Variants in VAPA observed in about 807,000 individuals in gnomAD.
VAPA encodes vesicle-associated membrane protein-associated protein A.
Under a neutral mutation model 25.6 loss-of-function variants are expected in VAPA, and 6 were observed. That is an observed-to-expected ratio of 0.23 (90% confidence interval 0.13 to 0.46). The LOEUF is 0.46. VAPA is among the 20% of genes least tolerant of loss of function. The pLI is 0.99. For missense variants in VAPA, 244 were observed against 302.1 expected, an observed-to-expected ratio of 0.81 and a Z score of 1.43; for synonymous variants, 112 against 106.2, an observed-to-expected ratio of 1.05 and a Z score of -0.34.
intron 1 of VAPA, among the ~76,000 whole-genome samples, chr18:9,930,158 T>G (rs1218627869): frequency 6.6e-6 from 1 of 152,140 alleles, no homozygotes; most frequent in East Asian, 1.9e-4. Flanking sequence ...AATAAAACAT[T>G]TAATTCTAAA....
In VAPA at chr18:9,945,350, C is replaced by CTTTTTTTTTT. The variant is rs869048248; in HGVS notation, c.418-5026_418-5017dup. Reference sequence around the variant, plus strand: ...TTCTTTGAGATTTGGGGAATATACTCTTTTTTTTTTTTTTTTTTTTTTTTT... The same window carrying CTTTTTTTTTT: ...TTCTTTGAGATTTGGGGAATATACTCTTTTTTTTTTTTTTTTTTTTTTTTTTTTTTTTTTT... On this transcript the variant is annotated intron_variant, in intron 4 of 5. Transcript: ENST00000400000. Among the ~76,000 whole-genome samples the CTTTTTTTTTT allele has an allele frequency of 5.8e-4, 33 of 57,306 alleles. 5 individuals carry two copies. Among genetic ancestry groups the CTTTTTTTTTT allele is most frequent in the African/African-American group, 1.5e-3 (20 of 12,968 alleles). The allele number at this position is 57,306 out of a possible 152,430, so 37.6% of individuals were successfully genotyped here. A position where few individuals can be genotyped will look rare whatever the true frequency, so the allele number is the denominator to read the frequency against.
intron 2 of VAPA, among the ~76,000 whole-genome samples, chr18:9,932,233 C>A (rs908364236): frequency 3.9e-5 from 6 of 152,130 alleles, no homozygotes; most frequent in Non-Finnish European, 7.3e-5. Context: ...ACCTTCTCTG[C>A]CTTTGTTATT....
chr18:9,929,021 G>A (rs1015594665), intron 1 of VAPA, among the ~76,000 whole-genome samples: 1 of 152,168 alleles, frequency 6.6e-6, no homozygotes, highest in African/African-American at 2.4e-5. Context: ...ACCTACAGAT[G>A]CCTGCTGACT....
At chr18:9,929,754 C>G (rs1265552451) in intron 1 of VAPA, among the ~76,000 whole-genome samples, 4 of 152,116 alleles carry the variant, frequency 2.6e-5, no homozygotes, top group Non-Finnish European at 1.5e-5. Context: ...GGGAGCAACC[C>G]TCATTGAGAG....
chr18:9,914,049 G>T lies in VAPA; in HGVS notation c.-208G>T, dbSNP rs556551605. ...CAAGTGCGCGTGGCCGTGGCGGCTG[G>T]TGTGGGGTTGAGTCAGTTGTGGGAC... On this transcript the variant is annotated 5_prime_UTR_variant, in exon 1 of 6. Transcript: ENST00000400000. 1.4e-3 allele frequency: 706 copies of T among 498,506 alleles called. 3 individuals carry two copies. The highest frequency in any genetic ancestry group is 0.013 in the African/African-American group (639 of 48,474). 30.9% of individuals were successfully genotyped at this position (498,506 alleles called of 1,614,324 possible). A position where few individuals can be genotyped will look rare whatever the true frequency, so the allele number is the denominator to read the frequency against.
At position 9,928,288 on chromosome 18, in the gene VAPA, T is replaced by G. The variant is rs542216087; in HGVS notation, c.80-3522T>G. Among the ~76,000 whole-genome samples the G allele has an allele frequency of 2.6e-5, 4 of 152,234 alleles. No individual in the cohort carries two copies. In the South Asian group the frequency reaches 8.3e-4, roughly 32 times the overall value. On this transcript the variant is annotated intron_variant, in intron 1 of 5. Transcript: ENST00000400000. ...TCAAGGTTATTTCAAGGATCAGTTT[T>G]TCTGAAAAAACATTTTTATTGTTTT...
intron 2 of VAPA, among the ~76,000 whole-genome samples, chr18:9,933,993 G>A (rs796150251): frequency 9.2e-5 from 14 of 152,262 alleles, no homozygotes; most frequent in African/African-American, 2.2e-4. Context: ...AGAAAACAAC[G>A]TATCAAAACA....
At chr18:9,937,210 T>G (rs1467060824) in intron 4 of VAPA, 144 bp downstream of exon 4, 1 of 386,534 alleles carries the variant, frequency 2.6e-6, no homozygotes, top group African/African-American at 2.5e-5. Context: ...TTAAAAAACT[T>G]GGTATGCCTT....
At chr18:9,926,598 T>A (rs1291382121) in intron 1 of VAPA, among the ~76,000 whole-genome samples, 1 of 152,086 alleles carries the variant, frequency 6.6e-6, no homozygotes, top group Non-Finnish European at 1.5e-5. Flanking sequence ...CTCCTCAAGT[T>A]CCATGGAGGT....
chr18:9,951,419 T>A (rs1235811440), intron 5 of VAPA: 5 of 152,284 alleles, frequency 3.3e-5, no homozygotes, highest in African/African-American at 7.2e-5. Context: ...CGCCTTCTAC[T>A]GCTCTTACTT....
Position 9,954,146 on chromosome 18 carries a change from C to T in VAPA, c.685C>T (p.Pro229Ser), listed in dbSNP as rs757509798. 2 of 1,613,942 alleles carry T rather than the reference C, an allele frequency of 1.2e-6. No individual in the cohort carries two copies. Among genetic ancestry groups the T allele is most frequent in the Non-Finnish European group, 1.7e-6 (2 of 1,179,864 alleles). Residue 229 changes from proline to serine, a missense_variant, in exon 6 of 6, where the codon CCT (proline) becomes TCT (serine). Pro to Ser is a moderately conservative substitution (Grantham distance 74, BLOSUM62 -1). Around this residue, in one of 2 missense-constraint regions of VAPA, gnomAD observed 145 missense variants for 140.6 expected, o/e 1.03. Coordinates refer to ENST00000400000, the MANE Select transcript of VAPA (RefSeq NM_194434.3). ...SFRDNVTSPL[P>S]SLLVVIAAIF... ...CAGAGATAATGTCACCAGTCCTCTT[C>T]CTTCACTTCTTGTTGTAATTGCAGC...
rs71169911 is a variant in VAPA, at chr18:9,943,841, C to CTTTTTTTTTTTTTTTTTT, written c.418-6534_418-6517dup. Among the ~76,000 whole-genome samples the CTTTTTTTTTTTTTTTTTT allele has an allele frequency of 1.7e-4, 9 of 51,770 alleles. 1 individual carries two copies. Among genetic ancestry groups the CTTTTTTTTTTTTTTTTTT allele is most frequent in the Middle Eastern group, 0.016 (1 of 64 alleles). 34.0% of individuals were successfully genotyped at this position (51,770 alleles called of 152,430 possible). A position where few individuals can be genotyped will look rare whatever the true frequency, so the allele number is the denominator to read the frequency against. Reference sequence around the variant, plus strand: ...TGACATTTGAAGGTGACATATTTCCCTTTTTTTTTTTTTTTTTTTTTTTTT... The same window carrying CTTTTTTTTTTTTTTTTTT: ...TGACATTTGAAGGTGACATATTTCCCTTTTTTTTTTTTTTTTTTTTTTTTTTTTTTTTTTTTTTTTTTT... On this transcript the variant is annotated intron_variant, in intron 4 of 5. Transcript: ENST00000400000.
intron 1 of VAPA, among the ~76,000 whole-genome samples, chr18:9,917,263 A>G (rs913550552): frequency 6.6e-6 from 1 of 152,142 alleles, no homozygotes; most frequent in African/African-American, 2.4e-5. Flanking sequence ...TCCATTTATA[A>G]TGTATTACAC....
rs143372755 is a variant in VAPA, at chr18:9,944,937, C to T, written c.418-5458C>T. ...ATGCCATCTCAGGGTATAACTCCACCAGGGAATGCTCCGACTGTCACTTCA... is the reference window on the plus strand; with the variant it reads ...ATGCCATCTCAGGGTATAACTCCACTAGGGAATGCTCCGACTGTCACTTCA... On this transcript the variant is annotated intron_variant, in intron 4 of 5. Coordinates refer to ENST00000400000, the MANE Select transcript of VAPA (RefSeq NM_194434.3). 4.8e-4 allele frequency: 782 copies of T among 1,614,054 alleles called. 5 individuals carry two copies. The African/African-American group carries it at 9.0e-3, about 18-fold the overall frequency.
chr18:9,953,907 T>G, intron 5 of VAPA, 146 bp from the exon 6 acceptor site: 1 of 889,638 alleles, frequency 1.1e-6, no homozygotes, highest in Non-Finnish European at 1.7e-6. Flanking sequence ...GAAAGTTTCC[T>G]TATGTGGTTA....
chr18:9,938,632 CTAAAAGCTGTTAAG>C (rs2069335583), intron 4 of VAPA, among the ~76,000 whole-genome samples: 1 of 152,162 alleles, frequency 6.6e-6, no homozygotes, highest in South Asian at 2.1e-4. Flanking sequence ...TACTAGTAAC[CTAAAAGCTGTTAAG>C]TAACTTCAAA....
Position 9,954,381 on chromosome 18 carries a change from AAAAC to A in VAPA, c.*175_*178del. 2 of 602,072 alleles carry A rather than the reference AAAAC, an allele frequency of 3.3e-6. No homozygotes were observed. The highest frequency in any genetic ancestry group is 2.9e-5 in the East Asian group (1 of 35,038). The allele number at this position is 602,072 out of a possible 1,614,324, so 37.3% of individuals were successfully genotyped here. On this transcript the variant is annotated 3_prime_UTR_variant, in exon 6 of 6. Transcript: ENST00000400000. ...TCTCTTACGGTTAGAAAACACAATA[AAAAC>A]AAACTGTTCGGCTACTGGACAGGTT...
chr18:9,950,972 C>G (rs1322631530), intron 5 of VAPA: 1 of 159,988 alleles, frequency 6.3e-6, no homozygotes, highest in Non-Finnish European at 1.4e-5. Flanking sequence ...GTGTAAAATA[C>G]TGATGTTGAA....
chr18:9,954,312 A>T lies in VAPA; in HGVS notation c.*101A>T, dbSNP rs546156685. On this transcript the variant is annotated 3_prime_UTR_variant, in exon 6 of 6. Transcript: ENST00000400000. The stretch of plus-strand genomic sequence containing the variant: ...ATTGGTAGTATGGCCCACGGTGACC[A>T]TTTTTTTGTGTGTACAGCGTCATAT... 6.6e-6 allele frequency: 7 copies of T among 1,064,794 alleles called. No individual in the cohort carries two copies. In the South Asian group the frequency reaches 1.1e-4, roughly 16 times the overall value. 66.0% of individuals were successfully genotyped at this position (1,064,794 alleles called of 1,614,324 possible).
Sources: gnomAD v4.1 joint callset for allele counts (sites outside exome capture counted in the v4.1 genomes callset) on GRCh38, gnomAD v4.1.1 for gene constraint, gnomAD v4.1.1 regional missense constraint, MANE v1.5 for transcripts, NCBI Gene and HGNC (gene_info 2026-07-23, HGNC 2026-07-21) for gene names.